Variants in MYOM2 observed in about 807,000 individuals in gnomAD.
The protein encoded by MYOM2 is myomesin-2.
In MYOM2, 254 loss-of-function variants were observed where a neutral mutation model predicts 187.6. The observed-to-expected ratio is 1.35, with a 90% confidence interval of 1.22 to 1.50. The LOEUF is 1.50. Ranked by LOEUF, MYOM2 falls within the 40% of genes most tolerant of loss-of-function variation. The pLI, the probability that MYOM2 is intolerant of heterozygous loss-of-function variation, is 0.00. For missense variants in MYOM2, 2,796 were observed against 1,924.0 expected, an observed-to-expected ratio of 1.45 and a Z score of -8.48; for synonymous variants, 981 against 753.8, an observed-to-expected ratio of 1.30 and a Z score of -4.94.
chr8:2,108,849 C>T lies in MYOM2; in HGVS notation c.3043+19C>T, dbSNP rs895492606. The T allele has an allele frequency of 3.1e-6, 5 of 1,613,202 alleles. No individual in the cohort carries two copies. Among genetic ancestry groups the T allele is most frequent in the African/African-American group, 1.3e-5 (1 of 75,018 alleles). ...AACCCCAGTAAGTAAGCCTCCAGCC[C>T]TTCCCCTCTGCTTGCAGCTGCTGGC... On this transcript the variant is annotated intron_variant, in intron 24 of 36. Transcript: ENST00000262113.
intron 15 of MYOM2, among the ~76,000 whole-genome samples, chr8:2,091,559 T>C (rs1280317492): frequency 1.3e-5 from 2 of 152,180 alleles, no homozygotes; most frequent in African/African-American, 2.4e-5. Context: ...CTGGGTGCCC[T>C]CCACCCTCTC....
Position 2,100,937 on chromosome 8 carries a change from G to A in MYOM2, c.2502G>A (p.Lys834=), listed in dbSNP as rs1373114491. 1 of 1,614,224 alleles carries A rather than the reference G, an allele frequency of 6.2e-7. No individual in the cohort carries two copies. The highest frequency in any genetic ancestry group is 8.5e-7 in the Non-Finnish European group (1 of 1,180,040). ...ACACGTCCTTGGTCATGCTGTGGAA[G>A]GCCCCTGTGTACTCCGGCAGCAGCC... is the stretch of plus-strand genomic sequence containing the variant. The part of the protein sequence containing the change: ...VRDTSLVMLW[K]APVYSGSSPV... Residue 834 remains lysine, a synonymous_variant, in exon 20 of 37, where the codon AAG becomes AAA. Coordinates refer to ENST00000262113, the MANE Select transcript of MYOM2 (RefSeq NM_003970.4).
At position 2,093,400 on chromosome 8, in the gene MYOM2, A is replaced by C. The variant is rs146841790; in HGVS notation, c.2004-570A>C. Among the ~76,000 whole-genome samples, 130 of 152,360 alleles carry C rather than the reference A, an allele frequency of 8.5e-4. 3 individuals are homozygous for C. The East Asian group carries it at 0.02, about 24-fold the overall frequency. ...TACACGGACTGAATATCTATCATAC[A>C]CAAAGCATCTGTGCTAAGTTGTCCA... On this transcript the variant is annotated intron_variant, in intron 16 of 36. Transcript: ENST00000262113.
intron 14 of MYOM2, among the ~76,000 whole-genome samples, chr8:2,089,730 G>C (rs760480711): frequency 1.3e-4 from 20 of 152,172 alleles, no homozygotes; most frequent in Non-Finnish European, 2.2e-4. Flanking sequence ...CCTATGTATT[G>C]ATTCCCTTAT....
At chr8:2,122,194 G>C (rs977900454) in intron 28 of MYOM2, among the ~76,000 whole-genome samples, 5 of 152,202 alleles carry the variant, frequency 3.3e-5, no homozygotes, top group African/African-American at 9.7e-5. Flanking sequence ...AAATGTTAAA[G>C]TAAAGGGAAT....
Position 2,078,949 on chromosome 8 carries a change from C to T in MYOM2, c.1462+16C>T. The T allele has an allele frequency of 6.2e-7, 1 of 1,611,590 alleles. No individual in the cohort carries two copies. Among genetic ancestry groups the T allele is most frequent in the Non-Finnish European group, 8.5e-7 (1 of 1,178,364 alleles). On this transcript the variant is annotated intron_variant, in intron 12 of 36. Coordinates refer to ENST00000262113, the MANE Select transcript of MYOM2 (RefSeq NM_003970.4). Reference sequence around the variant, plus strand: ...AGGTTACAAGGTAAGCTGCTCACGCCTAAGTATCCACTGTGCCCAGGAAGC... The same window carrying T: ...AGGTTACAAGGTAAGCTGCTCACGCTTAAGTATCCACTGTGCCCAGGAAGC...
Position 2,077,659 on chromosome 8 carries a change from G to A in MYOM2, c.1263-1075G>A, listed in dbSNP as rs1819480471. ...AACGATCTTCTTTTCTCCTGGGACA[G>A]CTGATAAGTTTTCCCGCCATGTTGA... On this transcript the variant is annotated intron_variant, in intron 11 of 36. Transcript: ENST00000262113. Among the ~76,000 whole-genome samples, 5 of 152,086 alleles carry A rather than the reference G, an allele frequency of 3.3e-5. No homozygotes were observed. In the South Asian group the frequency reaches 1.0e-3, roughly 32 times the overall value.
intron 32 of MYOM2, among the ~76,000 whole-genome samples, chr8:2,138,183 G>C (rs976075888): frequency 2.0e-5 from 3 of 152,196 alleles, no homozygotes; most frequent in Non-Finnish European, 2.9e-5. Context: ...CACGGATGGA[G>C]ACTCTGGCAA....
At position 2,097,139 on chromosome 8, in the gene MYOM2, G is replaced by A. The variant is rs1037714413; in HGVS notation, c.2313+705G>A. 16 of 980,322 alleles carry A rather than the reference G, an allele frequency of 1.6e-5. No individual in the cohort carries two copies. The Admixed American group carries it at 7.4e-4, about 45-fold the overall frequency. The allele number at this position is 980,322 out of a possible 1,614,324, so 60.7% of individuals were successfully genotyped here. On this transcript the variant is annotated intron_variant, in intron 18 of 36. Transcript: ENST00000262113. ...CTCCAACAGGAGGGCTTTCTTTTTT[G>A]GAGAGTGTAAGGCCTTAGAAGATCT...
chr8:2,091,765 T>C (rs569756662), intron 15 of MYOM2, among the ~76,000 whole-genome samples: 1 of 152,258 alleles, frequency 6.6e-6, no homozygotes, highest in Admixed American at 6.5e-5. Flanking sequence ...ATGACACATA[T>C]GAAAAATGAC....
In MYOM2 at chr8:2,073,510, G is replaced by A. The variant is rs1471042368; in HGVS notation, c.1120+10G>A. The stretch of plus-strand genomic sequence containing the variant: ...TTCCTGTTTGTCAGAGGTGCGGGCA[G>A]CAGGGTTCTCAGGGTGCAGACCTTG... On this transcript the variant is annotated intron_variant, in intron 10 of 36. Coordinates refer to ENST00000262113, the MANE Select transcript of MYOM2 (RefSeq NM_003970.4). The A allele has an allele frequency of 2.5e-6, 4 of 1,591,898 alleles. No individual in the cohort carries two copies. The highest frequency in any genetic ancestry group is 3.4e-6 in the Non-Finnish European group (4 of 1,175,942).
intron 15 of MYOM2, 96 bp from the exon 16 acceptor site, chr8:2,092,250 G>T (rs532546937): frequency 3.4e-5 from 48 of 1,406,028 alleles, no homozygotes; most frequent in Non-Finnish European, 4.7e-5. Flanking sequence ...CCCCAGTCTG[G>T]CTGTCCAGTT....
At position 2,130,125 on chromosome 8, in the gene MYOM2, G is replaced by A. The variant is rs537555569; in HGVS notation, c.3800+893G>A. On this transcript the variant is annotated intron_variant, in intron 32 of 36. Coordinates refer to ENST00000262113, the MANE Select transcript of MYOM2 (RefSeq NM_003970.4). The stretch of plus-strand genomic sequence containing the variant: ...GCCTTTAGTTAACGCCCCTCAGTAC[G>A]CTATACCCAGGGCGTCCCCACCGCG... Among the ~76,000 whole-genome samples, 23 of 132,846 alleles carry A rather than the reference G, an allele frequency of 1.7e-4. No individual in the cohort carries two copies. The South Asian group carries it at 2.3e-3, about 13-fold the overall frequency. 87.2% of individuals were successfully genotyped at this position (132,846 alleles called of 152,430 possible).
intron 1 of MYOM2, among the ~76,000 whole-genome samples, chr8:2,049,378 G>A (rs539235959): frequency 7.9e-4 from 120 of 152,242 alleles, no homozygotes; most frequent in Middle Eastern, 3.4e-3. Flanking sequence ...TTGGGTAATC[G>A]CTAGTGATCT....
intron 9 of MYOM2, 145 bp from the exon 10 acceptor site, chr8:2,073,194 G>A: frequency 1.2e-6 from 1 of 863,488 alleles, no homozygotes; most frequent in Non-Finnish European, 1.7e-6. Flanking sequence ...CAGCTGTTGG[G>A]ATTTTACCAG....
At chr8:2,050,927 C>A in intron 2 of MYOM2, 54 bp downstream of exon 2, 1 of 1,377,878 alleles carries the variant, frequency 7.3e-7, no homozygotes, top group Non-Finnish European at 1.0e-6. Context: ...GGGGGTCTGA[C>A]ATTTAAAGGC....
At chr8:2,107,991 A>G (rs939723382) in intron 23 of MYOM2, among the ~76,000 whole-genome samples, 2 of 152,342 alleles carry the variant, frequency 1.3e-5, no homozygotes, top group Admixed American at 6.5e-5. Flanking sequence ...CCATGTATGG[A>G]AATTCCTACC....
intron 8 of MYOM2, among the ~76,000 whole-genome samples, chr8:2,071,428 A>G (rs1819212950): frequency 6.6e-6 from 1 of 152,070 alleles, no homozygotes; most frequent in South Asian, 2.1e-4. Context: ...TATTTTTGAA[A>G]TTTAACCAGG....
chr8:2,139,536 C>T (rs767801188), intron 32 of MYOM2, among the ~76,000 whole-genome samples: 15 of 152,174 alleles, frequency 9.9e-5, no homozygotes, highest in Non-Finnish European at 2.1e-4. Context: ...GGAGAATTCC[C>T]TTTCCCGATG....
Sources: allele counts gnomAD v4.1 joint callset (sites outside exome capture counted in the v4.1 genomes callset), GRCh38; gene constraint gnomAD v4.1.1; transcripts MANE v1.5; gene names NCBI Gene and HGNC (gene_info 2026-07-23, HGNC 2026-07-21).